RBFOX1: variants seen among roughly 807,000 people sequenced by gnomAD.
RBFOX1 encodes the protein RNA binding fox-1 homolog 1, also known as RNA binding protein fox-1 homolog 1.
In RBFOX1, 8 loss-of-function variants were observed where a neutral mutation model predicts 57.7. That is an observed-to-expected ratio of 0.14 (90% CI 0.08 to 0.25). RBFOX1 has a LOEUF of 0.25. Among genes scored for constraint, RBFOX1 ranks in the 10% least tolerant of loss-of-function variants. RBFOX1 has a pLI of 1.00. For synonymous variants in RBFOX1, 326 were observed against 222.4 expected (o/e 1.47, Z -4.15); for missense variants, 611 against 548.5 (o/e 1.11, Z -1.14).
intron 11 of RBFOX1, among the ~76,000 whole-genome samples, chr16:7,646,708 T>G (rs755273408): frequency 2.0e-4 from 31 of 152,230 alleles, no homozygotes; most frequent in Admixed American, 1.3e-4. Flanking sequence ...CCTGTCGGGT[T>G]TTGCATCTGC....
chr16:6,391,934 G>T (rs8047268), intron 2 of RBFOX1, among the ~76,000 whole-genome samples: 102,492 of 152,138 alleles, frequency 0.67, 36,387 homozygotes, highest in African/African-American at 0.92. Flanking sequence ...GAGTGAATAA[G>T]TCTTTCAGAG....
chr16:7,618,246 AAAAT>A (rs1023251117), intron 10 of RBFOX1, among the ~76,000 whole-genome samples: 5 of 152,196 alleles, frequency 3.3e-5, no homozygotes, highest in Middle Eastern at 3.2e-3. Context: ...ATTATAATTA[AAAAT>A]AAATAAGGAA....
At chr16:6,236,580 A>G (rs2097506663) in intron 1 of RBFOX1, among the ~76,000 whole-genome samples, 1 of 151,960 alleles carries the variant, frequency 6.6e-6, no homozygotes, top group Non-Finnish European at 1.5e-5. Flanking sequence ...GATTACAGGC[A>G]CGTGTCACCA....
At chr16:6,273,340 G>GT (rs544640090) in intron 1 of RBFOX1, among the ~76,000 whole-genome samples, 10,970 of 89,776 alleles carry the variant, frequency 0.12, 110 homozygotes, top group Non-Finnish European at 0.16. Flanking sequence ...GTTGTTGTTG[G>GT]TTTTTTTTTT....
At chr16:5,568,234 T>A (rs1341144032) in intron 2 of RBFOX1, among the ~76,000 whole-genome samples, 1 of 152,216 alleles carries the variant, frequency 6.6e-6, no homozygotes, top group Non-Finnish European at 1.5e-5. Context: ...TATGGGGGCC[T>A]GTGCTGCATT....
intron 1 of RBFOX1, among the ~76,000 whole-genome samples, chr16:6,168,759 A>T (rs1457061171): frequency 1.3e-5 from 2 of 151,762 alleles, no homozygotes; most frequent in Admixed American, 6.6e-5. Context: ...TTTAACTCTA[A>T]GAGTTCTATC....
chr16:5,292,651 A>G (rs114773019), intron 1 of RBFOX1, among the ~76,000 whole-genome samples: 3,143 of 108,298 alleles, frequency 0.029, 111 homozygotes, highest in African/African-American at 0.096. Context: ...TATTTATTTA[A>G]TCTCTCTCTG....
chr16:5,532,863 T>A (rs555351707), intron 2 of RBFOX1, among the ~76,000 whole-genome samples: 13 of 152,310 alleles, frequency 8.5e-5, no homozygotes, highest in Non-Finnish European at 1.9e-4. Context: ...TCCAACAGAC[T>A]CTTCTCCTTC....
Position 6,840,418 on chromosome 16 carries a change from C to T in RBFOX1, c.-16+185768C>T, listed in dbSNP as rs1031777467. Among the ~76,000 whole-genome samples, 8 of 152,130 alleles carry T rather than the reference C, an allele frequency of 5.3e-5. No homozygotes were observed. In the East Asian group the frequency reaches 1.5e-3, roughly 29 times the overall value. ...TCCTTCATTAAATGTTGAGTATGAT[C>T]ACAGTCTTCTTTCAACTATAATTAG... On this transcript the variant is annotated intron_variant, in intron 3 of 15. Coordinates refer to ENST00000550418, the MANE Select transcript of RBFOX1 (RefSeq NM_018723.4).
chr16:7,308,297 G>T (rs117008457), intron 4 of RBFOX1, among the ~76,000 whole-genome samples: 16 of 144,616 alleles, frequency 1.1e-4, no homozygotes, highest in Admixed American at 2.7e-4. Flanking sequence ...ACCCAGAGCT[G>T]TTTTTTTTTT....
chr16:6,545,222 T>C (rs2096878675), intron 2 of RBFOX1, among the ~76,000 whole-genome samples: 2 of 152,334 alleles, frequency 1.3e-5, no homozygotes, highest in African/African-American at 4.8e-5. Flanking sequence ...TTCCTTGCCT[T>C]CAGATCCAAT....
chr16:5,690,942 TGTAAA>T (rs1156238698), intron 3 of RBFOX1, among the ~76,000 whole-genome samples: 1 of 152,106 alleles, frequency 6.6e-6, no homozygotes, highest in Non-Finnish European at 1.5e-5. Context: ...TCAGAGAGAC[TGTAAA>T]GTGGCCCCAT....
intron 4 of RBFOX1, among the ~76,000 whole-genome samples, chr16:7,115,633 C>T (rs1454135687): frequency 1.3e-5 from 2 of 152,186 alleles, no homozygotes; most frequent in East Asian, 1.9e-4. Flanking sequence ...GGACAAAGTA[C>T]ATAGCTCCTC....
intron 4 of RBFOX1, among the ~76,000 whole-genome samples, chr16:7,355,075 C>G (rs1568377477): frequency 6.6e-6 from 1 of 152,142 alleles, no homozygotes; most frequent in Non-Finnish European, 1.5e-5. Context: ...TTAGTTAATC[C>G]TCCCAAAACT....
chr16:6,273,640 T>G (rs2075478627), intron 1 of RBFOX1, among the ~76,000 whole-genome samples: 1 of 152,010 alleles, frequency 6.6e-6, no homozygotes, highest in Non-Finnish European at 1.5e-5. Flanking sequence ...GCCACCATGC[T>G]TGGCCTAGAG....
chr16:6,249,386 A>G (rs573614099), intron 1 of RBFOX1, among the ~76,000 whole-genome samples: 1 of 152,204 alleles, frequency 6.6e-6, no homozygotes, highest in South Asian at 2.1e-4. Flanking sequence ...TTAGCCAGAC[A>G]TGGTTTTGGG....
chr16:7,437,303 C>T (rs971351235), intron 4 of RBFOX1, among the ~76,000 whole-genome samples: 4 of 148,970 alleles, frequency 2.7e-5, no homozygotes, highest in Non-Finnish European at 5.9e-5. Flanking sequence ...TCCAAACAGG[C>T]AGCTCCCACT....
At chr16:7,692,423 T>C (rs2077547730) in intron 14 of RBFOX1, among the ~76,000 whole-genome samples, 1 of 152,124 alleles carries the variant, frequency 6.6e-6, no homozygotes, top group South Asian at 2.1e-4. Context: ...CACTGAAACA[T>C]TTGAACAAAA....
intron 3 of RBFOX1, among the ~76,000 whole-genome samples, chr16:6,966,358 T>C (rs529760814): frequency 6.6e-6 from 1 of 151,920 alleles, no homozygotes; most frequent in Non-Finnish European, 1.5e-5. Flanking sequence ...ACAGTCTAGT[T>C]TGAAAGAAAT....
Sources: allele counts gnomAD v4.1 joint callset (sites outside exome capture counted in the v4.1 genomes callset), GRCh38; gene constraint gnomAD v4.1.1; transcripts MANE v1.5; gene names NCBI Gene and HGNC (gene_info 2026-07-23, HGNC 2026-07-21).